Variants in TMEM243 observed in about 807,000 individuals in gnomAD.
TMEM243 encodes the protein transmembrane protein 243.
In TMEM243, 20 loss-of-function variants were observed where a neutral mutation model predicts 15.0. The observed-to-expected ratio is 1.33, with a 90% CI of 0.94 to 1.93. The LOEUF is 1.93. TMEM243 is among the 30% of genes most tolerant of loss of function. TMEM243 has a pLI of 0.00. For synonymous variants in TMEM243, 72 were observed against 52.7 expected, an observed-to-expected ratio of 1.37 and a Z score of -1.59; for missense variants, 156 against 142.1, an observed-to-expected ratio of 1.10 and a Z score of -0.50.
At position 87,197,590 on chromosome 7, in the gene TMEM243, T is replaced by C. The variant is rs1801404112; in HGVS notation, c.234+351A>G. On this transcript the variant is annotated intron_variant, in intron 3 of 3. Coordinates refer to ENST00000257637, the MANE Select transcript of TMEM243 (RefSeq NM_024315.4). ...AGTGCTCTATCTCTTCCCTTAGCAG[T>C]AACTGGCATTTCCCAAAGACTGTTG... 4 of 527,012 alleles carry C rather than the reference T, an allele frequency of 7.6e-6. No homozygotes were observed. In the South Asian group the frequency reaches 1.4e-4, roughly 19 times the overall value. 32.6% of individuals were successfully genotyped at this position (527,012 alleles called of 1,614,324 possible). A position where few individuals can be genotyped will look rare whatever the true frequency, so the allele number is the denominator to read the frequency against.
intron 1 of TMEM243, among the ~76,000 whole-genome samples, chr7:87,200,528 CAT>C (rs933844161): frequency 5.9e-5 from 9 of 152,282 alleles, no homozygotes; most frequent in African/African-American, 2.2e-4. Context: ...CTGCATACCT[CAT>C]AACAGCTCCC....
rs114711419 is a variant in TMEM243 at position 87,201,679 on chromosome 7, T to C, written c.79-2622A>G. Among the ~76,000 whole-genome samples, 504 of 152,342 alleles carry C rather than the reference T, an allele frequency of 3.3e-3. 4 individuals are homozygous for C. Among genetic ancestry groups the C allele is most frequent in the African/African-American group, 0.01 (419 of 41,586 alleles). ...AGAGTACATGGAGAAAAGTGAGTAA[T>C]ACATTTAAACTTTGCTGTTTATGGA... is the stretch of plus-strand genomic sequence containing the variant. On this transcript the variant is annotated intron_variant, in intron 1 of 3. Transcript: ENST00000257637.
chr7:87,216,369 C>T (rs1803124026), intron 1 of TMEM243, among the ~76,000 whole-genome samples: 1 of 151,908 alleles, frequency 6.6e-6, no homozygotes, highest in Admixed American at 6.6e-5. Context: ...TTGCTTGAGC[C>T]CAGGAGGTCG....
intron 1 of TMEM243, among the ~76,000 whole-genome samples, chr7:87,215,515 A>G (rs553649566): frequency 1.3e-5 from 2 of 152,336 alleles, no homozygotes; most frequent in South Asian, 2.1e-4. Context: ...ATACTTTTTC[A>G]TATGGCTACT....
At position 87,197,862 on chromosome 7, in the gene TMEM243, C is replaced by G. The variant is rs375910303; in HGVS notation, c.234+79G>C. ...ATTAAGAGATACCCTTTTGTATAGA[C>G]CCAAGGCTGAAAATTTTTGTCCTGT... On this transcript the variant is annotated intron_variant, in intron 3 of 3. Transcript: ENST00000257637. 2.5e-6 allele frequency: 4 copies of G among 1,603,784 alleles called. No homozygotes were observed. The South Asian group carries it at 4.4e-5, about 18-fold the overall frequency.
chr7:87,203,788 G>A (rs1409758916), intron 1 of TMEM243, among the ~76,000 whole-genome samples: 1 of 151,918 alleles, frequency 6.6e-6, no homozygotes, highest in Non-Finnish European at 1.5e-5. Flanking sequence ...TGTCCCATGG[G>A]TCAGAACAAA....
chr7:87,202,648 A>T (rs1801900447), intron 1 of TMEM243, among the ~76,000 whole-genome samples: 3 of 152,206 alleles, frequency 2.0e-5, no homozygotes, highest in Non-Finnish European at 4.4e-5. Context: ...ATGGCAAAAA[A>T]TCTCCTATCC....
rs1491103205 is a variant in TMEM243, at chr7:87,209,706, G to GAGAGCGAGACAC, written c.78+9708_78+9719dup. Among the ~76,000 whole-genome samples, 57 of 141,042 alleles carry GAGAGCGAGACAC rather than the reference G, an allele frequency of 4.0e-4. 1 individual carries two copies. The highest frequency in any genetic ancestry group is 2.6e-3 in the Admixed American group (38 of 14,602). 92.5% of individuals were successfully genotyped at this position (141,042 alleles called of 152,430 possible). ...ACACAGCGAGAGAGCGAGACACAGT[G>GAGAGCGAGACAC]AGAGCGAGACACAGTGAGAGCGAGA... On this transcript the variant is annotated intron_variant, in intron 1 of 3. Transcript: ENST00000257637.
Position 87,197,962 on chromosome 7 carries a change from A to T in TMEM243, c.213T>A (p.Ser71Arg). The stretch of plus-strand genomic sequence containing the variant: ...TTACAAGTATGCAGGCAGTAATACT[A>T]CTCAAAGAGATGCAGACAGCAAAGA... ...NIFFAVCISL[S>R]SITACILIYW... The change falls in exon 3 of 4, where the codon AGT (serine) becomes AGA (arginine). Residue 71 changes from serine to arginine, a missense_variant. Physicochemically the swap from Ser to Arg is moderately radical, Grantham distance 110 (BLOSUM62 -1). Transcript: ENST00000257637. 1 of 1,613,052 alleles carries T rather than the reference A, an allele frequency of 6.2e-7. No individual in the cohort carries two copies. Among genetic ancestry groups the T allele is most frequent in the East Asian group, 2.2e-5 (1 of 44,790 alleles).
intron 1 of TMEM243, among the ~76,000 whole-genome samples, chr7:87,213,862 T>G (rs1475922021): frequency 6.6e-6 from 1 of 152,020 alleles, no homozygotes; most frequent in Non-Finnish European, 1.5e-5. Flanking sequence ...CAGAGCCCAC[T>G]ACACTTGCCC....
At chr7:87,208,493 A>C (rs1270862807) in intron 1 of TMEM243, among the ~76,000 whole-genome samples, 1 of 152,194 alleles carries the variant, frequency 6.6e-6, no homozygotes, top group Non-Finnish European at 1.5e-5. Flanking sequence ...TCAGGGTACA[A>C]TTCTGATACT....
At chr7:87,218,435 C>T (rs1419611575) in intron 1 of TMEM243, among the ~76,000 whole-genome samples, 4 of 152,332 alleles carry the variant, frequency 2.6e-5, no homozygotes, top group African/African-American at 9.6e-5. Flanking sequence ...AAATTCAGGG[C>T]TATTCCCCAG....
At position 87,209,618 on chromosome 7, in the gene TMEM243, GAGAGACTGAGAT is replaced by G. The variant is rs1430016467; in HGVS notation, c.78+9796_78+9807del. 8.9e-5 allele frequency among the ~76,000 whole-genome samples: 13 copies of G among 145,660 alleles called. 1 individual carries two copies. The highest frequency in any genetic ancestry group is 3.1e-4 in the African/African-American group (12 of 38,746). On this transcript the variant is annotated intron_variant, in intron 1 of 3. Coordinates refer to ENST00000257637, the MANE Select transcript of TMEM243 (RefSeq NM_024315.4). Reference sequence around the variant, plus strand: ...ACAGTGAGAGAGAGAGAGACAGAGAGAGAGACTGAGATAGAGAGCGAGAGAGACAGTGAGAGA... The same window carrying G: ...ACAGTGAGAGAGAGAGAGACAGAGAGAGAGAGCGAGAGAGACAGTGAGAGA...
At chr7:87,203,308 A>C (rs148454339) in intron 1 of TMEM243, among the ~76,000 whole-genome samples, 1 of 151,804 alleles carries the variant, frequency 6.6e-6, no homozygotes, top group Non-Finnish European at 1.5e-5. Flanking sequence ...ATGGGGGGGA[A>C]AAAAAGCTAA....
At chr7:87,210,332 C>T (rs1365191841) in intron 1 of TMEM243, among the ~76,000 whole-genome samples, 2 of 152,172 alleles carry the variant, frequency 1.3e-5, no homozygotes, top group African/African-American at 2.4e-5. Flanking sequence ...TCTCACATTT[C>T]AAAACCAATC....
At chr7:87,202,913 GAGA>G (rs1801921499) in intron 1 of TMEM243, 1 of 152,244 alleles carries the variant, frequency 6.6e-6, no homozygotes, top group South Asian at 2.1e-4. Flanking sequence ...ACTTGGGCCA[GAGA>G]AGGACTAATC....
Sources: allele counts gnomAD v4.1 joint callset (sites outside exome capture counted in the v4.1 genomes callset), GRCh38; gene constraint gnomAD v4.1.1; transcripts MANE v1.5; gene names NCBI Gene and HGNC (gene_info 2026-07-23, HGNC 2026-07-21).